Variants in TDRD9 observed in about 807,000 individuals in gnomAD.
TDRD9 encodes the protein ATP-dependent RNA helicase TDRD9.
A neutral mutation model predicts 172.6 loss-of-function variants in TDRD9; 124 were observed. The ratio of observed to expected loss-of-function variants is 0.72; its 90% CI spans 0.62 to 0.83. The LOEUF (loss-of-function observed/expected upper bound fraction) is 0.83, where lower values mean the gene tolerates loss of function less well. Among genes scored for constraint, TDRD9 ranks in the 40% least tolerant of loss-of-function variants. The pLI, the probability that TDRD9 is intolerant of heterozygous loss-of-function variation, is 0.00. For synonymous variants in TDRD9, 619 were observed against 617.1 expected (o/e 1.00, Z -0.05); for missense variants, 1,479 against 1,714.1 (o/e 0.86, Z 2.42).
intron 6 of TDRD9, among the ~76,000 whole-genome samples, chr14:103,973,254 G>A (rs2033107876): frequency 1.3e-5 from 2 of 152,162 alleles, no homozygotes; most frequent in South Asian, 4.1e-4. Flanking sequence ...AGGTGGTTTT[G>A]TAAGAGGTTT....
chr14:104,035,549 G>C (rs1270565123), intron 32 of TDRD9, among the ~76,000 whole-genome samples: 1 of 152,248 alleles, frequency 6.6e-6, no homozygotes, highest in Non-Finnish European at 1.5e-5. Flanking sequence ...AGAGAGGAGT[G>C]TGTGATGCCA....
intron 1 of TDRD9, among the ~76,000 whole-genome samples, chr14:103,944,391 C>G (rs1462774849): frequency 6.6e-6 from 1 of 152,130 alleles, no homozygotes; most frequent in Non-Finnish European, 1.5e-5. Flanking sequence ...CATAGTAATT[C>G]TCTTTTTCAT....
At chr14:103,975,944 A>G (rs1410793518) in intron 7 of TDRD9, among the ~76,000 whole-genome samples, 1 of 152,314 alleles carries the variant, frequency 6.6e-6, no homozygotes, top group Non-Finnish European at 1.5e-5. Context: ...AGTTCCAGCC[A>G]TAGTGGGACC....
intron 7 of TDRD9, among the ~76,000 whole-genome samples, chr14:103,985,840 CAG>C (rs1220965104): frequency 6.6e-6 from 1 of 152,102 alleles, no homozygotes; most frequent in African/African-American, 2.4e-5. Context: ...GGGGGTTTGA[CAG>C]AGGGGAAGGG....
intron 15 of TDRD9, among the ~76,000 whole-genome samples, chr14:104,005,705 G>T (rs757732559): frequency 1.3e-5 from 2 of 152,134 alleles, no homozygotes; most frequent in African/African-American, 4.8e-5. Context: ...ACTTGTAACC[G>T]AGGCCTTGGT....
rs746384218 is a variant in TDRD9 at position 103,986,219 on chromosome 14, C to T, written c.1014C>T (p.Leu338=). 1 of 1,611,426 alleles carries T rather than the reference C, an allele frequency of 6.2e-7. No individual in the cohort carries two copies. ...NDLEHIHHSK[L]SPHLLEEPVI... ...CTTTTTTCTTTCACTGTTTTTAGCTCTCTCCTCATCTCCTGGAGGAACCGG... is the reference window on the plus strand; with the variant it reads ...CTTTTTTCTTTCACTGTTTTTAGCTTTCTCCTCATCTCCTGGAGGAACCGG... Residue 338 remains leucine (L), a splice_region_variant and synonymous_variant, in exon 8 of 36, where the codon CTC becomes CTT. Coordinates refer to ENST00000409874, the MANE Select transcript of TDRD9 (RefSeq NM_153046.3).
intron 3 of TDRD9, among the ~76,000 whole-genome samples, chr14:103,964,685 C>T (rs184405298): frequency 6.6e-6 from 1 of 152,198 alleles, no homozygotes; most frequent in African/African-American, 2.4e-5. Context: ...CTACCATGCC[C>T]AGCTAATTTT....
chr14:104,015,652 G>A (rs1595989075), intron 21 of TDRD9, among the ~76,000 whole-genome samples: 1 of 152,206 alleles, frequency 6.6e-6, no homozygotes, highest in African/African-American at 2.4e-5. Flanking sequence ...AAAGTTGGCC[G>A]ACCTTGGGGC....
Position 104,005,411 on chromosome 14 carries a change from A to G in TDRD9, c.1713+6A>G, listed in dbSNP as rs760309206. 1.2e-6 allele frequency: 2 copies of G among 1,613,888 alleles called. No homozygotes were observed. Among genetic ancestry groups the G allele is most frequent in the Admixed American group, 3.3e-5 (2 of 60,014 alleles). Reference sequence around the variant, plus strand: ...CCATCCTTCTACTAAAGGAGGTAGGACTGCCTGCTGGTTAGTACTGTTGGC... The same window carrying G: ...CCATCCTTCTACTAAAGGAGGTAGGGCTGCCTGCTGGTTAGTACTGTTGGC... On this transcript the variant is annotated splice_donor_region_variant and intron_variant, in intron 15 of 35. Coordinates refer to ENST00000409874, the MANE Select transcript of TDRD9 (RefSeq NM_153046.3).
Position 104,018,300 on chromosome 14 carries a change from A to G in TDRD9, c.2432+108A>G, listed in dbSNP as rs933927187. 5.1e-5 allele frequency: 34 copies of G among 668,386 alleles called. No homozygotes were observed. In the African/African-American group the frequency reaches 5.1e-4, roughly 10 times the overall value. 41.4% of individuals were successfully genotyped at this position (668,386 alleles called of 1,614,324 possible). On this transcript the variant is annotated intron_variant, in intron 23 of 35. Coordinates refer to ENST00000409874, the MANE Select transcript of TDRD9 (RefSeq NM_153046.3). ...AGTGCCCATGGAAATGGGTCCTCCT[A>G]TGGGCTGCTGCAATTGGCTTTCAGA...
chr14:104,051,957 T>A, intron 35 of TDRD9, 24 bp from the exon 36 acceptor site: 1 of 1,528,252 alleles, frequency 6.5e-7, no homozygotes, highest in South Asian at 1.2e-5. Context: ...AGAGCCTGAC[T>A]GGTCCGCTTG....
chr14:104,002,792 C>T (rs966052358), intron 13 of TDRD9, among the ~76,000 whole-genome samples: 5 of 150,598 alleles, frequency 3.3e-5, no homozygotes, highest in African/African-American at 4.9e-5. Context: ...AGTGCAGTGG[C>T]GTGATCTCGG....
intron 9 of TDRD9, among the ~76,000 whole-genome samples, chr14:103,991,560 A>G (rs1009834083): frequency 6.6e-6 from 1 of 150,714 alleles, no homozygotes; most frequent in African/African-American, 2.4e-5. Context: ...CTACAGGTGC[A>G]CGCCACCACG....
intron 8 of TDRD9, among the ~76,000 whole-genome samples, chr14:103,987,922 T>A (rs2033731301): frequency 1.3e-5 from 2 of 152,204 alleles, no homozygotes; most frequent in African/African-American, 4.8e-5. Flanking sequence ...GTATTTTGGT[T>A]CTCTGTTGCT....
chr14:103,982,354 G>T (rs1313746758), intron 7 of TDRD9, among the ~76,000 whole-genome samples: 3 of 152,120 alleles, frequency 2.0e-5, no homozygotes, highest in Non-Finnish European at 4.4e-5. Context: ...ATTGCAGGGT[G>T]GTGTCCCCTG....
chr14:104,004,300 A>G lies in TDRD9; in HGVS notation c.1546A>G (p.Asn516Asp). 6.2e-7 allele frequency: 1 copy of G among 1,604,618 alleles called. No individual in the cohort carries two copies. Among genetic ancestry groups the G allele is most frequent in the Non-Finnish European group, 8.5e-7 (1 of 1,173,012 alleles). ...GCTGGTACACAAGGATTTCTGGGAC[A>G]ACTCCATCCCTGATCATGTTGTTCC... ...YRLVHKDFWDNSIPDHVVPEM... is the reference protein window; with the variant it reads ...YRLVHKDFWDDSIPDHVVPEM... Residue 516 changes from asparagine (N) to aspartate (D), a missense_variant, in exon 14 of 36, where the codon AAC becomes GAC. This residue lies in a region of TDRD9 where 1,413 missense variants were observed against 1,649.1 expected (regional missense o/e 0.86). Coordinates refer to ENST00000409874, the MANE Select transcript of TDRD9 (RefSeq NM_153046.3).
At position 103,986,258 on chromosome 14, in the gene TDRD9, T is replaced by G; in HGVS notation, c.1053T>G (p.Asp351Glu). ...TGGAGGAACCGGTGATAACTAAGGA[T>G]ATATATGAAGTTGCTGTCTCTCTCA... ...HLLEEPVITK[D>E]IYEVAVSLIQ... Residue 351 changes from aspartate to glutamate, a missense_variant, in exon 8 of 36, where the codon GAT becomes GAG. Physicochemically the swap from Asp to Glu is conservative, Grantham distance 45. Around this residue, in one of 3 missense-constraint regions of TDRD9, gnomAD observed 1,413 missense variants for 1,649.1 expected, o/e 0.86. Coordinates refer to ENST00000409874, the MANE Select transcript of TDRD9 (RefSeq NM_153046.3). 1 of 1,613,512 alleles carries G rather than the reference T, an allele frequency of 6.2e-7. No individual in the cohort carries two copies. The highest frequency in any genetic ancestry group is 8.5e-7 in the Non-Finnish European group (1 of 1,179,652).
chr14:103,971,288 CTGTTTGTT>C (rs35491518), intron 6 of TDRD9, among the ~76,000 whole-genome samples: 1 of 151,208 alleles, frequency 6.6e-6, no homozygotes, highest in African/African-American at 2.4e-5. Flanking sequence ...TGGCCCAGGG[CTGTTTGTT>C]TGTTTGTTTA....
rs2033880178 is a variant in TDRD9, at chr14:103,991,803, G to A, written c.1180+579G>A. On this transcript the variant is annotated intron_variant, in intron 9 of 35. Coordinates refer to ENST00000409874, the MANE Select transcript of TDRD9 (RefSeq NM_153046.3). Reference sequence around the variant, plus strand: ...GACAGAGTCTCACTCTGTTGCCCAGGCAGGGGTACAGTGGCAAAATCTTAG... The same window carrying A: ...GACAGAGTCTCACTCTGTTGCCCAGACAGGGGTACAGTGGCAAAATCTTAG... Among the ~76,000 whole-genome samples the A allele has an allele frequency of 2.6e-5, 4 of 150,980 alleles. No homozygotes were observed. In the South Asian group the frequency reaches 8.4e-4, roughly 32 times the overall value.
Sources: gnomAD v4.1 joint callset for allele counts (sites outside exome capture counted in the v4.1 genomes callset) on GRCh38, gnomAD v4.1.1 for gene constraint, gnomAD v4.1.1 regional missense constraint, MANE v1.5 for transcripts, NCBI Gene and HGNC (gene_info 2026-07-23, HGNC 2026-07-21) for gene names.